ULK4: variants seen among roughly 807,000 people sequenced by gnomAD.
ULK4 encodes unc-51 like kinase 4, also known as inactive serine/threonine-protein kinase ULK4.
In ULK4, 133 loss-of-function variants were observed where a neutral mutation model predicts 160.6. The observed-to-expected ratio is 0.83, with a 90% confidence interval of 0.72 to 0.96. ULK4 has a LOEUF of 0.96. Among genes scored for constraint, ULK4 ranks in the 40% least tolerant of loss-of-function variants. The pLI, the probability that ULK4 is intolerant of heterozygous loss-of-function variation, is 0.00. For missense variants in ULK4, 1,580 were observed against 1,499.5 expected (o/e 1.05, Z -0.89); for synonymous variants, 534 against 539.8 (o/e 0.99, Z 0.15).
intron 35 of ULK4, among the ~76,000 whole-genome samples, chr3:41,349,339 A>G (rs2080866148): frequency 6.6e-6 from 1 of 152,226 alleles, no homozygotes; most frequent in African/African-American, 2.4e-5. Context: ...TTCCTGAATA[A>G]CATATGATCA....
At chr3:41,496,069 C>T (rs992237220) in intron 32 of ULK4, among the ~76,000 whole-genome samples, 44 of 151,776 alleles carry the variant, frequency 2.9e-4, no homozygotes, top group African/African-American at 9.9e-4. Flanking sequence ...ATTTGTAAAA[C>T]GTATCAAATT....
chr3:41,827,872 C>T (rs1005423211), intron 18 of ULK4, among the ~76,000 whole-genome samples: 5 of 152,066 alleles, frequency 3.3e-5, no homozygotes, highest in South Asian at 2.1e-4. Context: ...ACCAATATCC[C>T]CGATGAACAC....
At chr3:41,739,996 G>T (rs1426581120) in intron 22 of ULK4, among the ~76,000 whole-genome samples, 1 of 151,616 alleles carries the variant, frequency 6.6e-6, no homozygotes, top group Non-Finnish European at 1.5e-5. Flanking sequence ...ATGATTTTTG[G>T]AAGATATAAA....
chr3:41,952,793 T>C (rs766254654), intron 2 of ULK4, among the ~76,000 whole-genome samples: 1 of 152,240 alleles, frequency 6.6e-6, no homozygotes, highest in Non-Finnish European at 1.5e-5. Context: ...TCACAATAGT[T>C]AAAACACGGA....
chr3:41,740,179 C>T (rs1272526160), intron 22 of ULK4, among the ~76,000 whole-genome samples: 10 of 151,760 alleles, frequency 6.6e-5, no homozygotes, highest in East Asian at 3.9e-4. Flanking sequence ...GGCTTTTGTA[C>T]GGTGTAAGCA....
chr3:41,711,306 G>A (rs1283562739), intron 25 of ULK4, among the ~76,000 whole-genome samples: 1 of 152,070 alleles, frequency 6.6e-6, no homozygotes, highest in Non-Finnish European at 1.5e-5. Context: ...GTTTCAGCAG[G>A]GGAGCAAAAA....
At chr3:41,487,169 T>C (rs2084568930) in intron 32 of ULK4, among the ~76,000 whole-genome samples, 1 of 140,792 alleles carries the variant, frequency 7.1e-6, no homozygotes, top group African/African-American at 2.7e-5. Flanking sequence ...GTGAGACCTA[T>C]GCAAATAATA....
At chr3:41,531,141 A>C (rs981866299) in intron 32 of ULK4, among the ~76,000 whole-genome samples, 2 of 150,414 alleles carry the variant, frequency 1.3e-5, no homozygotes, top group Admixed American at 6.6e-5. Context: ...ACACAGTAGT[A>C]AAGAAATAAA....
At chr3:41,742,854 G>A (rs2038287892) in intron 22 of ULK4, among the ~76,000 whole-genome samples, 1 of 151,862 alleles carries the variant, frequency 6.6e-6, no homozygotes. Context: ...CTCAATAGTA[G>A]AGTGTAGATG....
intron 34 of ULK4, among the ~76,000 whole-genome samples, chr3:41,434,597 T>C (rs2082990799): frequency 6.6e-6 from 1 of 152,170 alleles, no homozygotes; most frequent in African/African-American, 2.4e-5. Context: ...CACTAGCACA[T>C]AGAATCTATT....
intron 29 of ULK4, among the ~76,000 whole-genome samples, chr3:41,678,725 T>C (rs1245967979): frequency 6.6e-6 from 1 of 152,256 alleles, no homozygotes; most frequent in African/African-American, 2.4e-5. Flanking sequence ...CTACCATACC[T>C]GTGCATGAAA....
intron 30 of ULK4, among the ~76,000 whole-genome samples, chr3:41,649,561 G>A (rs2034653193): frequency 6.6e-6 from 1 of 152,232 alleles, no homozygotes; most frequent in Non-Finnish European, 1.5e-5. Flanking sequence ...CCTGGGCACT[G>A]TCGCAACCCA....
Position 41,249,364 on chromosome 3 carries a change from A to G in ULK4, c.3764+125T>C, listed in dbSNP as rs984565033. 97 of 820,380 alleles carry G rather than the reference A, an allele frequency of 1.2e-4. No individual in the cohort carries two copies. The African/African-American group carries it at 1.6e-3, about 14-fold the overall frequency. The allele number at this position is 820,380 out of a possible 1,614,324, so 50.8% of individuals were successfully genotyped here. A position where few individuals can be genotyped will look rare whatever the true frequency, so the allele number is the denominator to read the frequency against. On this transcript the variant is annotated intron_variant, in intron 36 of 36. Coordinates refer to ENST00000301831, the MANE Select transcript of ULK4 (RefSeq NM_017886.4). ...CACACTGGGAAGGATCTCAGTGGAC[A>G]GTGATGGGCTGGAAGGTGGTAGTCC... is the stretch of plus-strand genomic sequence containing the variant.
At chr3:41,333,291 C>T (rs187093142) in intron 35 of ULK4, among the ~76,000 whole-genome samples, 114 of 152,312 alleles carry the variant, frequency 7.5e-4, no homozygotes, top group African/African-American at 2.5e-3. Context: ...CCTCAACATG[C>T]CTGTACTCAC....
intron 35 of ULK4, among the ~76,000 whole-genome samples, chr3:41,294,190 G>A (rs145659723): frequency 6.7e-4 from 102 of 152,300 alleles, no homozygotes; most frequent in Non-Finnish European, 1.3e-3. Context: ...TTCGTGAATG[G>A]TTTAGTGCTG....
chr3:41,878,200 C>T (rs113457117), intron 17 of ULK4, among the ~76,000 whole-genome samples: 1,934 of 151,978 alleles, frequency 0.013, 34 homozygotes, highest in African/African-American at 0.043. Context: ...TGACTATTCC[C>T]GAAACAAGCC....
At chr3:41,632,501 A>G (rs2033791127) in intron 30 of ULK4, among the ~76,000 whole-genome samples, 1 of 152,132 alleles carries the variant, frequency 6.6e-6, no homozygotes, top group African/African-American at 2.4e-5. Flanking sequence ...TGTGCCATGC[A>G]CTGGGCCAAA....
chr3:41,773,310 A>C (rs575897326), intron 21 of ULK4, among the ~76,000 whole-genome samples: 1 of 152,318 alleles, frequency 6.6e-6, no homozygotes, highest in South Asian at 2.1e-4. Context: ...TTGACTGTAT[A>C]TCTAGAAAAC....
chr3:41,916,470 C>A (rs1698968260), intron 7 of ULK4, among the ~76,000 whole-genome samples: 1 of 152,104 alleles, frequency 6.6e-6, no homozygotes, highest in Non-Finnish European at 1.5e-5. Flanking sequence ...TTCACTCCAG[C>A]CTCTACCTCC....
Sources: allele counts gnomAD v4.1 joint callset (sites outside exome capture counted in the v4.1 genomes callset), GRCh38; gene constraint gnomAD v4.1.1; transcripts MANE v1.5; gene names NCBI Gene and HGNC (gene_info 2026-07-23, HGNC 2026-07-21).